Variants in NUDCD1 observed in about 807,000 individuals in gnomAD.
NUDCD1 encodes NudC domain containing 1, also known as nudC domain-containing protein 1.
In NUDCD1, 60 loss-of-function variants were observed where a neutral mutation model predicts 67.8. The observed-to-expected ratio is 0.88, with a 90% CI of 0.72 to 1.10. The LOEUF is 1.10. Among genes scored for constraint, NUDCD1 ranks in the 50% least tolerant of loss-of-function variants. NUDCD1 has a pLI of 0.00. For missense variants in NUDCD1, 643 were observed against 695.0 expected (o/e 0.93, Z 0.84); for synonymous variants, 244 against 230.8 (o/e 1.06, Z -0.52).
At chr8:109,259,633 T>G (rs1324725621) in intron 8 of NUDCD1, among the ~76,000 whole-genome samples, 1 of 152,172 alleles carries the variant, frequency 6.6e-6, no homozygotes, top group Non-Finnish European at 1.5e-5. Context: ...GCAGGTTGAG[T>G]ACTGGGAAGA....
intron 7 of NUDCD1, among the ~76,000 whole-genome samples, chr8:109,274,125 T>C (rs1586268710): frequency 6.6e-6 from 1 of 152,104 alleles, no homozygotes; most frequent in Non-Finnish European, 1.5e-5. Flanking sequence ...TTCCCCAAGA[T>C]CACAAATAAG....
At chr8:109,315,948 T>G (rs376216132) in intron 2 of NUDCD1, 1 of 151,744 alleles carries the variant, frequency 6.6e-6, no homozygotes, top group Admixed American at 6.6e-5. Flanking sequence ...CACTCCAAGA[T>G]GCAACCTCAC....
At chr8:109,305,686 A>G (rs1399657492) in intron 2 of NUDCD1, among the ~76,000 whole-genome samples, 1 of 152,136 alleles carries the variant, frequency 6.6e-6, no homozygotes, top group Admixed American at 6.5e-5. Flanking sequence ...CCAGCAGGAC[A>G]GACAGGAAAT....
At chr8:109,297,557 T>C (rs964392927) in intron 2 of NUDCD1, among the ~76,000 whole-genome samples, 4 of 152,174 alleles carry the variant, frequency 2.6e-5, no homozygotes, top group Non-Finnish European at 5.9e-5. Context: ...TGTGAGGACG[T>C]ATTATGCCTC....
intron 8 of NUDCD1, among the ~76,000 whole-genome samples, chr8:109,257,690 C>G (rs2129903160): frequency 6.6e-6 from 1 of 152,178 alleles, no homozygotes; most frequent in Admixed American, 6.5e-5. Flanking sequence ...AGTAATCAAG[C>G]CAGTATAGTA....
At chr8:109,322,488 AAACATC>A in intron 1 of NUDCD1, 25 bp from the exon 2 acceptor site, 1 of 1,574,728 alleles carries the variant, frequency 6.4e-7, no homozygotes, top group South Asian at 1.1e-5. Context: ...AAGCAAACAT[AAACATC>A]AAGAGTTTTG....
chr8:109,246,560 T>C (rs1292865987), intron 8 of NUDCD1, among the ~76,000 whole-genome samples: 1 of 152,234 alleles, frequency 6.6e-6, no homozygotes, highest in African/African-American at 2.4e-5. Flanking sequence ...GTTACTGCAA[T>C]ATTGATGCCT....
At position 109,244,005 on chromosome 8, in the gene NUDCD1, T is replaced by A. The variant is rs189919074; in HGVS notation, c.1460-704A>T. Among the ~76,000 whole-genome samples the A allele has an allele frequency of 5.5e-3, 842 of 152,204 alleles. 3 individuals carry two copies. Among genetic ancestry groups the A allele is most frequent in the Non-Finnish European group, 8.7e-3 (594 of 67,954 alleles). On this transcript the variant is annotated intron_variant, in intron 9 of 9. Coordinates refer to ENST00000239690, the MANE Select transcript of NUDCD1 (RefSeq NM_032869.4). ...AGTATCTTTTTGGATTAAAACAACA[T>A]TTATATTCCAAAATATAAATTATGA...
chr8:109,297,564 C>T (rs765626331), intron 2 of NUDCD1, among the ~76,000 whole-genome samples: 3 of 152,266 alleles, frequency 2.0e-5, no homozygotes, highest in East Asian at 1.9e-4. Flanking sequence ...ACGTATTATG[C>T]CTCCTTTCTG....
intron 7 of NUDCD1, among the ~76,000 whole-genome samples, chr8:109,271,336 C>G (rs1814151889): frequency 6.6e-6 from 1 of 151,924 alleles, no homozygotes; most frequent in Non-Finnish European, 1.5e-5. Context: ...ATAAACAGTT[C>G]CATATACTCA....
intron 2 of NUDCD1, among the ~76,000 whole-genome samples, chr8:109,312,953 C>G (rs926064569): frequency 1.3e-5 from 2 of 152,206 alleles, no homozygotes; most frequent in African/African-American, 2.4e-5. Flanking sequence ...CAGCTCCTTA[C>G]TAATTATAGT....
intron 2 of NUDCD1, among the ~76,000 whole-genome samples, chr8:109,310,064 C>T (rs555111696): frequency 6.6e-6 from 1 of 152,082 alleles, no homozygotes; most frequent in African/African-American, 2.4e-5. Context: ...AAACAATCTA[C>T]AAATTCAATG....
intron 2 of NUDCD1, among the ~76,000 whole-genome samples, chr8:109,301,590 C>T (rs148747714): frequency 0.033 from 4,991 of 152,308 alleles, 104 homozygotes; most frequent in Middle Eastern, 0.11. Context: ...CCTACGACCT[C>T]GGGTCCTCAG....
chr8:109,299,694 A>G (rs970204340), intron 2 of NUDCD1, among the ~76,000 whole-genome samples: 1 of 152,138 alleles, frequency 6.6e-6, no homozygotes, highest in African/African-American at 2.4e-5. Context: ...CAAAAGGCAT[A>G]TACTCTTGGG....
intron 1 of NUDCD1, among the ~76,000 whole-genome samples, chr8:109,331,880 A>T (rs987306895): frequency 3.9e-5 from 6 of 152,220 alleles, no homozygotes; most frequent in African/African-American, 1.4e-4. Context: ...AAATCCAAGA[A>T]ATCCAAAAGG....
chr8:109,266,438 G>A (rs1042505769), intron 8 of NUDCD1, among the ~76,000 whole-genome samples: 5 of 136,634 alleles, frequency 3.7e-5, no homozygotes, highest in South Asian at 2.3e-4. Flanking sequence ...TAGAGATGGG[G>A]TTTCACTGTG....
intron 1 of NUDCD1, among the ~76,000 whole-genome samples, chr8:109,327,166 G>A (rs963725486): frequency 1.3e-5 from 2 of 152,174 alleles, no homozygotes; most frequent in African/African-American, 4.8e-5. Flanking sequence ...CTATGAAGGT[G>A]TAAAAAAGTA....
At chr8:109,313,080 C>T (rs1815293969) in intron 2 of NUDCD1, among the ~76,000 whole-genome samples, 1 of 152,120 alleles carries the variant, frequency 6.6e-6, no homozygotes, top group South Asian at 2.1e-4. Flanking sequence ...TTTCTTTAAC[C>T]CTTCCTCCAA....
rs1316047661 is a variant in NUDCD1 at position 109,322,358 on chromosome 8, A to G, written c.224T>C (p.Val75Ala). ...TCTTCCAAGGGTATCAATATAGTAG[A>G]CACTGTCTTGATACCATGAATCACA... ...LHCDSWYQDS[V>A]YYIDTLGRIM... Residue 75 changes from valine (V) to alanine (A), a missense_variant, in exon 2 of 10, where the codon GTC becomes GCC. Val to Ala is a moderately conservative substitution (Grantham distance 64, BLOSUM62 0). Transcript: ENST00000239690. 1 of 1,579,006 alleles carries G rather than the reference A, an allele frequency of 6.3e-7. No individual in the cohort carries two copies. The highest frequency in any genetic ancestry group is 8.7e-7 in the Non-Finnish European group (1 of 1,149,440).
Sources: allele counts gnomAD v4.1 joint callset (sites outside exome capture counted in the v4.1 genomes callset), GRCh38; gene constraint gnomAD v4.1.1; transcripts MANE v1.5; gene names NCBI Gene and HGNC (gene_info 2026-07-23, HGNC 2026-07-21).